Variants in SNTG1 observed in about 807,000 individuals in gnomAD.
SNTG1 encodes syntrophin gamma 1.
SNTG1 carries 39 observed loss-of-function variants against 74.7 expected under a neutral mutation model. That is an observed-to-expected ratio of 0.52 (90% CI 0.40 to 0.68). The LOEUF (loss-of-function observed/expected upper bound fraction) is 0.68, where lower values mean the gene tolerates loss of function less well. Ranked by LOEUF, SNTG1 falls within the 30% of genes least tolerant of loss-of-function variation. The pLI, the probability that SNTG1 is intolerant of heterozygous loss-of-function variation, is 0.00. For missense variants in SNTG1, 685 were observed against 609.5 expected (o/e 1.12, Z -1.30); for synonymous variants, 254 against 217.1 (o/e 1.17, Z -1.49).
chr8:50,105,649 A>G (rs554970897), intron 1 of SNTG1, among the ~76,000 whole-genome samples: 65 of 152,188 alleles, frequency 4.3e-4, no homozygotes, highest in African/African-American at 1.4e-3. Flanking sequence ...GACAGCATCA[A>G]TTCTTCCTAT....
chr8:50,111,969 T>C (rs938499785), intron 1 of SNTG1, among the ~76,000 whole-genome samples: 1 of 152,170 alleles, frequency 6.6e-6, no homozygotes, highest in African/African-American at 2.4e-5. Context: ...TAAGTAACTT[T>C]ATGGCATAAA....
intron 17 of SNTG1, among the ~76,000 whole-genome samples, chr8:50,710,369 C>A (rs1312423734): frequency 6.6e-6 from 1 of 151,866 alleles, no homozygotes; most frequent in Non-Finnish European, 1.5e-5. Context: ...TCAAGATAGG[C>A]TCCTGAGTAT....
intron 1 of SNTG1, among the ~76,000 whole-genome samples, chr8:50,053,657 G>GTGTGTA (rs1554560656): frequency 1.3e-5 from 2 of 148,860 alleles, no homozygotes; most frequent in Non-Finnish European, 3.0e-5. Flanking sequence ...GTGTGTGTGT[G>GTGTGTA]TATAATCCAG....
intron 1 of SNTG1, among the ~76,000 whole-genome samples, chr8:49,973,800 A>G (rs781007686): frequency 6.6e-6 from 1 of 152,240 alleles, no homozygotes; most frequent in African/African-American, 2.4e-5. Flanking sequence ...GAAAACAACA[A>G]TGATAAATTT....
At chr8:50,596,631 C>T (rs574804576) in intron 13 of SNTG1, among the ~76,000 whole-genome samples, 2 of 152,084 alleles carry the variant, frequency 1.3e-5, no homozygotes, top group Admixed American at 6.6e-5. Context: ...AATGCTGTTG[C>T]CTTGGTCTAT....
chr8:50,377,900 A>G (rs894164164), intron 2 of SNTG1, among the ~76,000 whole-genome samples: 2 of 152,242 alleles, frequency 1.3e-5, no homozygotes, highest in South Asian at 2.1e-4. Context: ...AGTAGGTATA[A>G]CTGGTCAAAA....
chr8:50,428,184 CCT>C (rs1404794370), intron 4 of SNTG1, among the ~76,000 whole-genome samples: 3 of 152,140 alleles, frequency 2.0e-5, no homozygotes, highest in Admixed American at 6.5e-5. Context: ...GTGGCATATG[CCT>C]GTAGTCCTAG....
intron 4 of SNTG1, among the ~76,000 whole-genome samples, chr8:50,424,209 A>G (rs2093133305): frequency 6.6e-6 from 1 of 152,182 alleles, no homozygotes; most frequent in African/African-American, 2.4e-5. Flanking sequence ...GATATGTGCC[A>G]GGTACCCTCC....
intron 2 of SNTG1, among the ~76,000 whole-genome samples, chr8:50,328,968 A>C (rs937043921): frequency 6.6e-6 from 1 of 152,232 alleles, no homozygotes; most frequent in African/African-American, 2.4e-5. Flanking sequence ...TAAGCATTGG[A>C]TAAATACTTC....
chr8:50,726,629 C>G (rs1053580694), intron 17 of SNTG1, among the ~76,000 whole-genome samples: 6 of 152,176 alleles, frequency 3.9e-5, no homozygotes, highest in African/African-American at 1.4e-4. Flanking sequence ...GCAGGTGGAT[C>G]ACAAGGTCAG....
intron 1 of SNTG1, among the ~76,000 whole-genome samples, chr8:50,084,068 A>T (rs549291364): frequency 8.5e-5 from 13 of 152,330 alleles, no homozygotes; most frequent in East Asian, 1.9e-4. Flanking sequence ...AATGTAATAG[A>T]TACTCCAAAA....
chr8:50,065,486 T>C (rs1820828174), intron 1 of SNTG1, among the ~76,000 whole-genome samples: 1 of 152,204 alleles, frequency 6.6e-6, no homozygotes, highest in South Asian at 2.1e-4. Flanking sequence ...TCTTTGGTTA[T>C]AACCTATCAA....
At chr8:49,922,679 G>T (rs757684618) in intron 1 of SNTG1, among the ~76,000 whole-genome samples, 1 of 152,008 alleles carries the variant, frequency 6.6e-6, no homozygotes, top group Non-Finnish European at 1.5e-5. Flanking sequence ...TGTATATTTG[G>T]CAATAATAGG....
intron 13 of SNTG1, among the ~76,000 whole-genome samples, chr8:50,632,254 G>A (rs1479611334): frequency 6.6e-6 from 1 of 151,114 alleles, no homozygotes; most frequent in African/African-American, 2.4e-5. Flanking sequence ...TAAATATCAT[G>A]GCATGTATTT....
intron 1 of SNTG1, among the ~76,000 whole-genome samples, chr8:50,063,770 T>G (rs1820674093): frequency 6.6e-6 from 1 of 152,182 alleles, no homozygotes; most frequent in Non-Finnish European, 1.5e-5. Context: ...CTTAATAGCT[T>G]AACACTAACT....
At chr8:50,628,244 G>A (rs2094970362) in intron 13 of SNTG1, among the ~76,000 whole-genome samples, 1 of 151,576 alleles carries the variant, frequency 6.6e-6, no homozygotes, top group South Asian at 2.1e-4. Context: ...GTATTGACCT[G>A]GCTGACTAAA....
At chr8:50,523,149 A>G (rs761420909) in intron 9 of SNTG1, among the ~76,000 whole-genome samples, 7 of 152,248 alleles carry the variant, frequency 4.6e-5, no homozygotes, top group Non-Finnish European at 7.4e-5. Flanking sequence ...GCCTTTATAG[A>G]ATTGAAGAGA....
intron 4 of SNTG1, among the ~76,000 whole-genome samples, chr8:50,407,991 G>A (rs1308921429): frequency 6.6e-6 from 1 of 152,138 alleles, no homozygotes; most frequent in Non-Finnish European, 1.5e-5. Flanking sequence ...CCAGGCTGAG[G>A]TTTCACAATA....
Position 50,370,232 on chromosome 8 carries a change from G to A in SNTG1, c.-27-23980G>A, listed in dbSNP as rs140228187. Among the ~76,000 whole-genome samples the A allele has an allele frequency of 4.1e-3, 626 of 152,268 alleles. 3 individuals carry two copies. The highest frequency in any genetic ancestry group is 6.6e-3 in the Non-Finnish European group (448 of 68,012). On this transcript the variant is annotated intron_variant, in intron 2 of 18. Transcript: ENST00000642720. The stretch of plus-strand genomic sequence containing the variant: ...TGAAAGATTCTGGGCGTGCTATGAA[G>A]GAGCTCTTTTTTCCTGTAGCCATAA...
Sources: gnomAD v4.1 joint callset for allele counts (sites outside exome capture counted in the v4.1 genomes callset) on GRCh38, gnomAD v4.1.1 for gene constraint, MANE v1.5 for transcripts, NCBI Gene and HGNC (gene_info 2026-07-23, HGNC 2026-07-21) for gene names.